The following CCNJL variants were observed in gnomAD, a reference collection of about 807,000 sequenced individuals.
CCNJL encodes the protein cyclin J like.
In CCNJL, 33 loss-of-function variants were observed where a neutral mutation model predicts 33.4. The ratio of observed to expected loss-of-function variants is 0.99; its 90% CI spans 0.75 to 1.32. The LOEUF (loss-of-function observed/expected upper bound fraction) is 1.32. Among genes scored for constraint, CCNJL ranks in the 40% most tolerant of loss-of-function variants. The pLI is 0.00. For synonymous variants in CCNJL, 227 were observed against 220.9 expected (o/e 1.03, Z -0.24); for missense variants, 512 against 499.7 (o/e 1.02, Z -0.23).
chr5:160,310,254 G>C (rs1763219969), intron 2 of CCNJL, among the ~76,000 whole-genome samples: 1 of 152,140 alleles, frequency 6.6e-6, no homozygotes, highest in African/African-American at 2.4e-5. Context: ...CACTTTCCTT[G>C]CTTTTCAACT....
At chr5:160,257,587 A>G (rs1255924718) in intron 4 of CCNJL, among the ~76,000 whole-genome samples, 1 of 151,946 alleles carries the variant, frequency 6.6e-6, no homozygotes, top group Non-Finnish European at 1.5e-5. Flanking sequence ...TAGAGGTGGG[A>G]GGATAGCTTG....
chr5:160,284,227 C>T (rs1762334807), intron 2 of CCNJL, among the ~76,000 whole-genome samples: 1 of 152,038 alleles, frequency 6.6e-6, no homozygotes, highest in Admixed American at 6.6e-5. Context: ...TGGTGAGTGC[C>T]TGTAGTCCCA....
intron 2 of CCNJL, 48 bp downstream of exon 2, chr5:160,311,810 G>C: frequency 6.5e-7 from 1 of 1,543,940 alleles, no homozygotes; most frequent in Non-Finnish European, 9.0e-7. Flanking sequence ...CGAGACCGAA[G>C]GAGACTGTAC....
intron 2 of CCNJL, 49 bp from the exon 3 acceptor site, chr5:160,280,787 G>T: frequency 7.9e-7 from 1 of 1,269,250 alleles, no homozygotes; most frequent in South Asian, 1.3e-5. Flanking sequence ...TGCCTCCTGA[G>T]AGTCTCGGCT....
At chr5:160,301,225 T>C (rs932999318) in intron 2 of CCNJL, among the ~76,000 whole-genome samples, 1 of 152,170 alleles carries the variant, frequency 6.6e-6, no homozygotes, top group Non-Finnish European at 1.5e-5. Flanking sequence ...AAACTCCTGA[T>C]AGACACAACG....
chr5:160,258,623 GA>G (rs1318159952), intron 4 of CCNJL: 9 of 1,155,226 alleles, frequency 7.8e-6, no homozygotes, highest in Non-Finnish European at 1.2e-5. Context: ...CAGCTGTTAC[GA>G]AGATGGTTAA....
chr5:160,328,879 C>CAA (rs558876567), intron 1 of CCNJL, among the ~76,000 whole-genome samples: 10 of 139,944 alleles, frequency 7.1e-5, no homozygotes, highest in African/African-American at 2.6e-4. Context: ...GACTCTGTCT[C>CAA]AAAAAAAAAA....
intron 3 of CCNJL, among the ~76,000 whole-genome samples, chr5:160,261,661 A>T (rs2113252160): frequency 6.6e-6 from 1 of 150,674 alleles, no homozygotes; most frequent in Non-Finnish European, 1.5e-5. Flanking sequence ...CACAGGATCC[A>T]GCCACGTGGG....
intron 2 of CCNJL, among the ~76,000 whole-genome samples, chr5:160,294,201 T>C (rs1296973326): frequency 6.6e-6 from 1 of 152,162 alleles, no homozygotes; most frequent in Non-Finnish European, 1.5e-5. Context: ...GGCAGGAGGC[T>C]CACCCTCCTT....
chr5:160,301,828 C>T (rs1762932689), intron 2 of CCNJL, among the ~76,000 whole-genome samples: 1 of 151,376 alleles, frequency 6.6e-6, no homozygotes, highest in South Asian at 2.1e-4. Context: ...CTCCCGGGTT[C>T]AAGCAATTCT....
At chr5:160,328,964 A>G (rs72814331) in intron 1 of CCNJL, among the ~76,000 whole-genome samples, 59,768 of 151,966 alleles carry the variant, frequency 0.39, 12,620 homozygotes, top group Middle Eastern at 0.49. Context: ...AACTTATCCA[A>G]GGTTACCCAG....
At chr5:160,284,027 G>C (rs1031072819) in intron 2 of CCNJL, among the ~76,000 whole-genome samples, 1 of 152,114 alleles carries the variant, frequency 6.6e-6, no homozygotes, top group Non-Finnish European at 1.5e-5. Flanking sequence ...TCTGTTGATG[G>C]ACATTTAGGT....
intron 1 of CCNJL, among the ~76,000 whole-genome samples, chr5:160,327,324 C>T (rs1763550520): frequency 6.6e-6 from 1 of 152,184 alleles, no homozygotes; most frequent in South Asian, 2.1e-4. Flanking sequence ...GTGCTAGGCT[C>T]TTGGGAGCAT....
upstream of CCNJL, among the ~76,000 whole-genome samples, chr5:160,317,699 C>T (rs929201996): frequency 3.9e-5 from 6 of 152,046 alleles, no homozygotes; most frequent in Admixed American, 6.6e-5. Flanking sequence ...CTTTGGAACA[C>T]GGAAAGAAGG....
intron 2 of CCNJL, among the ~76,000 whole-genome samples, chr5:160,300,976 T>C (rs910942327): frequency 1.2e-4 from 19 of 152,242 alleles, no homozygotes; most frequent in Non-Finnish European, 2.5e-4. Context: ...CGCAATCTTG[T>C]GGGAATGTAT....
At chr5:160,329,496 G>A (rs1452910649) in intron 1 of CCNJL, among the ~76,000 whole-genome samples, 1 of 151,730 alleles carries the variant, frequency 6.6e-6, no homozygotes, top group African/African-American at 2.4e-5. Context: ...CACTACAGGC[G>A]CCCACCACCA....
At chr5:160,331,199 T>G (rs1472836996) in intron 1 of CCNJL, among the ~76,000 whole-genome samples, 3 of 151,006 alleles carry the variant, frequency 2.0e-5, no homozygotes, top group Non-Finnish European at 4.4e-5. Flanking sequence ...AAGCCCTGAA[T>G]CTTTTCTTTT....
At chr5:160,262,303 T>A (rs1291267605) in intron 3 of CCNJL, among the ~76,000 whole-genome samples, 1 of 152,200 alleles carries the variant, frequency 6.6e-6, no homozygotes, top group Non-Finnish European at 1.5e-5. Flanking sequence ...CCCTCCTCGC[T>A]TTTCAAACCT....
intron 3 of CCNJL, among the ~76,000 whole-genome samples, chr5:160,275,273 A>AG (rs909372816): frequency 6.6e-6 from 1 of 150,526 alleles, no homozygotes; most frequent in Non-Finnish European, 1.5e-5. Flanking sequence ...TTTAGTAGAG[A>AG]GGGGGTTTCA....
Sources: gnomAD v4.1 joint callset for allele counts (sites outside exome capture counted in the v4.1 genomes callset) on GRCh38, gnomAD v4.1.1 for gene constraint, MANE v1.5 for transcripts, NCBI Gene and HGNC (gene_info 2026-07-23, HGNC 2026-07-21) for gene names.